DNAJC25: variants seen among roughly 807,000 people sequenced by gnomAD.
DNAJC25 encodes the protein dnaJ homolog subfamily C member 25.
A neutral mutation model predicts 42.1 loss-of-function variants in DNAJC25; 26 were observed. The ratio of observed to expected loss-of-function variants is 0.62; its 90% CI spans 0.45 to 0.86. The LOEUF is 0.86. Among genes scored for constraint, DNAJC25 ranks in the 40% least tolerant of loss-of-function variants. DNAJC25 has a pLI of 0.00. For missense variants in DNAJC25, 404 were observed against 459.4 expected (o/e 0.88, Z 1.10); for synonymous variants, 189 against 179.9 (o/e 1.05, Z -0.40).
intron 2 of DNAJC25, among the ~76,000 whole-genome samples, chr9:111,648,623 A>T (rs1027919163): frequency 6.6e-6 from 1 of 152,170 alleles, no homozygotes; most frequent in Non-Finnish European, 1.5e-5. Context: ...TGGTATGTTT[A>T]AAATGTGTCA....
intron 1 of DNAJC25, among the ~76,000 whole-genome samples, chr9:111,635,118 G>A (rs1378240765): frequency 1.3e-5 from 2 of 152,192 alleles, no homozygotes; most frequent in Admixed American, 6.5e-5. Context: ...TACCCTCTGT[G>A]TCAACATTGG....
chr9:111,646,976 T>G (rs887714413), intron 1 of DNAJC25, 131 bp from the exon 2 acceptor site: 8 of 1,094,892 alleles, frequency 7.3e-6, no homozygotes, highest in African/African-American at 3.2e-5. Context: ...TTTTTTGATT[T>G]TGACAATTTC....
At position 111,631,383 on chromosome 9, in the gene DNAJC25, GGCAGA is replaced by G. The variant is rs1830270596; in HGVS notation, c.-22_-18del. On this transcript the variant is annotated 5_prime_UTR_variant, in exon 1 of 4. Transcript: ENST00000313525. ...CTGAGTGCTGCAGAATCGCTGGGGT[GGCAGA>G]GCCGCCAGCGAGGCTGGGGATGGGG... 1 of 1,273,666 alleles carries G rather than the reference GGCAGA, an allele frequency of 7.9e-7. No individual in the cohort carries two copies. The highest frequency in any genetic ancestry group is 1.6e-5 in the African/African-American group (1 of 64,426). 78.9% of individuals were successfully genotyped at this position (1,273,666 alleles called of 1,614,324 possible). A position where few individuals can be genotyped will look rare whatever the true frequency, so the allele number is the denominator to read the frequency against.
At chr9:111,642,607 A>C (rs373900734) in intron 1 of DNAJC25, among the ~76,000 whole-genome samples, 3 of 26,404 alleles carry the variant, frequency 1.1e-4, no homozygotes, top group Non-Finnish European at 1.8e-4. Flanking sequence ...AATTATCAAT[A>C]AATAAATAAA....
rs1281587128 is a variant in DNAJC25 at position 111,631,342 on chromosome 9, C to A, written c.-66C>A. The A allele has an allele frequency of 5.6e-6, 7 of 1,253,138 alleles. No individual in the cohort carries two copies. Among genetic ancestry groups the A allele is most frequent in the East Asian group, 6.3e-5 (2 of 31,616 alleles). The allele number at this position is 1,253,138 out of a possible 1,614,324, so 77.6% of individuals were successfully genotyped here. On this transcript the variant is annotated 5_prime_UTR_variant, in exon 1 of 4. Coordinates refer to ENST00000313525, the MANE Select transcript of DNAJC25 (RefSeq NM_001015882.3). Reference sequence around the variant, plus strand: ...GACGTGTAGCTGGGGCCAGACGGGACTAGCCGGGCGCGCGGCTGAGTGCTG... The same window carrying A: ...GACGTGTAGCTGGGGCCAGACGGGAATAGCCGGGCGCGCGGCTGAGTGCTG...
chr9:111,638,743 G>A (rs776306762), intron 1 of DNAJC25, among the ~76,000 whole-genome samples: 15 of 151,002 alleles, frequency 9.9e-5, no homozygotes, highest in Admixed American at 9.3e-4. Flanking sequence ...TCCCTCATTC[G>A]ACTTTTTGCA....
chr9:111,639,946 G>C (rs144681931), intron 1 of DNAJC25, among the ~76,000 whole-genome samples: 17,353 of 120,862 alleles, frequency 0.14, 1,290 homozygotes, highest in East Asian at 0.37. Flanking sequence ...CTCCGTCTCC[G>C]TCTCCGTCTC....
At chr9:111,637,838 T>G (rs1358466859) in intron 1 of DNAJC25, among the ~76,000 whole-genome samples, 1 of 152,264 alleles carries the variant, frequency 6.6e-6, no homozygotes, top group Non-Finnish European at 1.5e-5. Flanking sequence ...TGACGTGATC[T>G]TTGTCTGTTT....
intron 1 of DNAJC25, among the ~76,000 whole-genome samples, chr9:111,639,688 T>G (rs935790676): frequency 6.7e-6 from 1 of 149,072 alleles, no homozygotes; most frequent in Non-Finnish European, 1.5e-5. Context: ...CAAAAAAATG[T>G]GTGTGTGTGT....
intron 1 of DNAJC25, among the ~76,000 whole-genome samples, chr9:111,639,684 AAT>A (rs1491465073): frequency 1.3e-5 from 2 of 150,870 alleles, no homozygotes; most frequent in African/African-American, 4.9e-5. Context: ...ATTTCAAAAA[AAT>A]GTGTGTGTGT....
intron 1 of DNAJC25, 33 bp downstream of exon 1, chr9:111,631,776 A>G (rs1430726538): frequency 6.7e-7 from 1 of 1,484,632 alleles, no homozygotes; most frequent in Non-Finnish European, 8.9e-7. Flanking sequence ...GGCTTCGAAG[A>G]CTGGCCGCGG....
chr9:111,639,699 G>A (rs975472819), intron 1 of DNAJC25, among the ~76,000 whole-genome samples: 12 of 149,980 alleles, frequency 8.0e-5, no homozygotes, highest in Middle Eastern at 6.9e-3. Flanking sequence ...GTGTGTGTGT[G>A]TGTATGGGTG....
In DNAJC25 at chr9:111,647,323, G is replaced by A. The variant is rs1830581877; in HGVS notation, c.489+64G>A. 7.7e-6 allele frequency: 12 copies of A among 1,552,422 alleles called. No homozygotes were observed. In the Admixed American group the frequency reaches 2.3e-4, roughly 29 times the overall value. On this transcript the variant is annotated intron_variant, in intron 2 of 3. Transcript: ENST00000313525. ...ATTGAGTGCACATTGCCTAGTGCTA[G>A]TCATTAAAACCTAACTGCGAGTATC...
intron 3 of DNAJC25, among the ~76,000 whole-genome samples, chr9:111,652,402 C>T: frequency 6.7e-6 from 1 of 149,588 alleles, no homozygotes; most frequent in Admixed American, 6.7e-5. Context: ...CCTGTAGGCC[C>T]AGCTAGGGAG....
chr9:111,640,776 C>T (rs1422871144), intron 1 of DNAJC25, among the ~76,000 whole-genome samples: 1 of 118,686 alleles, frequency 8.4e-6, no homozygotes, highest in Non-Finnish European at 1.7e-5. Flanking sequence ...CCAGCAGCCA[C>T]CCCATCTGGG....
chr9:111,650,007 G>A, intron 3 of DNAJC25, 84 bp downstream of exon 3: 2 of 1,237,686 alleles, frequency 1.6e-6, no homozygotes, highest in Non-Finnish European at 2.2e-6. Context: ...GATCACAGAA[G>A]TGTGCTCACA....
At chr9:111,637,834 G>C (rs1473682354) in intron 1 of DNAJC25, among the ~76,000 whole-genome samples, 1 of 152,210 alleles carries the variant, frequency 6.6e-6, no homozygotes, top group African/African-American at 2.4e-5. Flanking sequence ...TCCTTGACGT[G>C]ATCTTTGTCT....
chr9:111,652,508 C>T (rs1166642051), intron 3 of DNAJC25, among the ~76,000 whole-genome samples: 44 of 131,000 alleles, frequency 3.4e-4, no homozygotes, highest in African/African-American at 1.2e-3. Context: ...AAGAGAGACC[C>T]TGTCTCAAAA....
chr9:111,641,419 G>C (rs1388363786), intron 1 of DNAJC25, among the ~76,000 whole-genome samples: 168 of 102,354 alleles, frequency 1.6e-3, no homozygotes, highest in South Asian at 3.6e-3. Context: ...TCAGCCCTCC[G>C]CCCGGCCAGC....
Sources: allele counts gnomAD v4.1 joint callset (sites outside exome capture counted in the v4.1 genomes callset), GRCh38; gene constraint gnomAD v4.1.1; transcripts MANE v1.5; gene names NCBI Gene and HGNC (gene_info 2026-07-23, HGNC 2026-07-21).